The following TASP1 variants were observed in gnomAD, a reference collection of about 807,000 sequenced individuals.
The protein encoded by TASP1 is threonine aspartase 1.
A neutral mutation model predicts 56.6 loss-of-function variants in TASP1; 16 were observed. That is an observed-to-expected ratio of 0.28 (90% CI 0.19 to 0.43). The LOEUF is 0.43. Among genes scored for constraint, TASP1 ranks in the 20% least tolerant of loss-of-function variants. The probability of loss-of-function intolerance (pLI) is 1.00; values close to 1 mark genes in which losing one functional copy is unlikely to be tolerated. For synonymous variants in TASP1, 179 were observed against 184.2 expected (o/e 0.97, Z 0.23); for missense variants, 393 against 511.6 (o/e 0.77, Z 2.24).
At chr20:13,328,337 G>A in the TASP1 span, among the ~76,000 whole-genome samples, 4 of 152,180 alleles carry the variant, frequency 2.6e-5, no homozygotes, top group African/African-American at 9.7e-5. Flanking sequence ...AGAGAAAAAG[G>A]AACCCTGTTA....
At chr20:13,489,153 C>T (rs2043431109) in intron 10 of TASP1, among the ~76,000 whole-genome samples, 1 of 152,180 alleles carries the variant, frequency 6.6e-6, no homozygotes, top group African/African-American at 2.4e-5. Context: ...CAAACCTAGG[C>T]AGATGGAGAC....
intron 12 of TASP1, among the ~76,000 whole-genome samples, chr20:13,423,673 CT>C (rs1264258846): frequency 6.6e-6 from 1 of 152,190 alleles, no homozygotes; most frequent in Non-Finnish European, 1.5e-5. Flanking sequence ...GCAACGGTTC[CT>C]CCTGTAGAGG....
the TASP1 span, chr20:13,270,510 C>T: frequency 6.2e-7 from 1 of 1,612,416 alleles, no homozygotes; most frequent in South Asian, 1.1e-5. Context: ...TTAGAATAAC[C>T]TCAACGTGGG....
chr20:13,559,021 TG>T lies in TASP1; in HGVS notation c.661del (p.Gln221AsnfsTer15). 6.3e-7 allele frequency: 1 copy of T among 1,588,196 alleles called. No individual in the cohort carries two copies. The highest frequency in any genetic ancestry group is 8.6e-7 in the Non-Finnish European group (1 of 1,167,162). ...TDFMQLKKRR[Q>X]SSEKENDSGT... ...ACACCACCTGACCTTCTCACTTGAT[TG>T]TCTTCTTTTCTTTAGTTGCATAAAA... is the stretch of plus-strand genomic sequence containing the variant. On this transcript the variant is annotated frameshift_variant, in exon 8 of 14. Coordinates refer to ENST00000337743, the MANE Select transcript of TASP1 (RefSeq NM_017714.3). LOFTEE classifies it high-confidence loss of function.
At chr20:13,390,811 C>T (rs1199096774) in intron 13 of TASP1, among the ~76,000 whole-genome samples, 3 of 152,116 alleles carry the variant, frequency 2.0e-5, no homozygotes, top group Non-Finnish European at 4.4e-5. Context: ...TATGTGAAAA[C>T]TAGTAATTTG....
downstream of TASP1, among the ~76,000 whole-genome samples, chr20:13,384,886 C>A (rs2041153115): frequency 6.6e-6 from 1 of 152,194 alleles, no homozygotes; most frequent in African/African-American, 2.4e-5. Context: ...GTGGCTTCCA[C>A]CTCTGTTCCC....
chr20:13,594,823 C>T (rs13041435), intron 4 of TASP1, among the ~76,000 whole-genome samples: 9,408 of 152,272 alleles, frequency 0.062, 380 homozygotes, highest in African/African-American at 0.1. Flanking sequence ...TCCAGGAGAA[C>T]TTCCCCAACC....
the TASP1 span, among the ~76,000 whole-genome samples, chr20:13,276,553 CTTT>C: frequency 2.6e-5 from 4 of 152,116 alleles, no homozygotes; most frequent in African/African-American, 9.7e-5. Flanking sequence ...AGTTCCCTTT[CTTT>C]TATCATCATG....
At chr20:13,162,790 A>G in the TASP1 span, among the ~76,000 whole-genome samples, 2 of 152,166 alleles carry the variant, frequency 1.3e-5, no homozygotes, top group African/African-American at 2.4e-5. Context: ...CATCCAACCC[A>G]GAACTGGTCC....
chr20:13,484,308 T>C (rs1490575748), intron 10 of TASP1, among the ~76,000 whole-genome samples: 1 of 152,180 alleles, frequency 6.6e-6, no homozygotes, highest in Non-Finnish European at 1.5e-5. Flanking sequence ...CATTACTAGG[T>C]ATATATTCCA....
At chr20:13,259,289 AAAAAC>A in the TASP1 span, among the ~76,000 whole-genome samples, 1 of 151,734 alleles carries the variant, frequency 6.6e-6, no homozygotes. Flanking sequence ...TCAAAAAAAA[AAAAAC>A]AAAAACAAAA....
the TASP1 span, among the ~76,000 whole-genome samples, chr20:13,291,319 TCTTTA>T: frequency 1.3e-5 from 2 of 152,306 alleles, no homozygotes; most frequent in East Asian, 3.9e-4. Flanking sequence ...TTTAAGGATC[TCTTTA>T]CTTGTTTGAT....
intron 11 of TASP1, among the ~76,000 whole-genome samples, chr20:13,447,036 T>C (rs953373432): frequency 6.6e-6 from 1 of 152,172 alleles, no homozygotes; most frequent in East Asian, 1.9e-4. Flanking sequence ...TATGAATATA[T>C]CTATAGGACA....
chr20:13,565,747 G>A (rs1043052019), intron 7 of TASP1, among the ~76,000 whole-genome samples: 1 of 152,146 alleles, frequency 6.6e-6, no homozygotes, highest in African/African-American at 2.4e-5. Flanking sequence ...ACTGTTGATA[G>A]AACATGAAAT....
chr20:13,187,732 C>CAAAAAAAAAAAAAAAAAAAAAAAAAAAAA, the TASP1 span, among the ~76,000 whole-genome samples: 1 of 57,154 alleles, frequency 1.7e-5, no homozygotes. Flanking sequence ...GACTCCATCT[C>CAAAAAAAAAAAAAAAAAAAAAAAAAAAAA]AAAAAAAAAA....
At chr20:13,628,517 G>C (rs997010256) in intron 2 of TASP1, among the ~76,000 whole-genome samples, 1 of 152,114 alleles carries the variant, frequency 6.6e-6, no homozygotes, top group African/African-American at 2.4e-5. Flanking sequence ...GATTAAACCT[G>C]GTTTCTGGTT....
the TASP1 span, among the ~76,000 whole-genome samples, chr20:13,289,163 A>G: frequency 7.2e-5 from 11 of 152,186 alleles, no homozygotes; most frequent in Non-Finnish European, 1.2e-4. Context: ...TCTTATGCAC[A>G]ATTGCAGTGG....
chr20:13,188,271 T>C, the TASP1 span, among the ~76,000 whole-genome samples: 1 of 152,196 alleles, frequency 6.6e-6, no homozygotes, highest in Non-Finnish European at 1.5e-5. Context: ...TGCTTGCTGA[T>C]GGCATGATCT....
At chr20:13,291,472 C>T in the TASP1 span, among the ~76,000 whole-genome samples, 1 of 152,158 alleles carries the variant, frequency 6.6e-6, no homozygotes, top group Non-Finnish European at 1.5e-5. Flanking sequence ...TCAGAGAGAG[C>T]CCCTTAAAGG....
Sources: gnomAD v4.1 joint callset for allele counts (sites outside exome capture counted in the v4.1 genomes callset) on GRCh38, gnomAD v4.1.1 for gene constraint, MANE v1.5 for transcripts, NCBI Gene and HGNC (gene_info 2026-07-23, HGNC 2026-07-21) for gene names.